Variants in STS observed in about 807,000 individuals in gnomAD.
The protein encoded by STS is steryl-sulfatase.
STS carries 7 observed loss-of-function variants against 26.8 expected under a neutral mutation model. The ratio of observed to expected loss-of-function variants is 0.26; its 90% CI spans 0.15 to 0.49. The LOEUF is 0.49. STS is among the 20% of genes least tolerant of loss of function. STS has a pLI of 0.98. For missense variants in STS, 434 were observed against 465.6 expected (o/e 0.93, Z 0.63); for synonymous variants, 199 against 189.4 (o/e 1.05, Z -0.42).
chrX:7,198,005 A>G (rs751507139), intron 2 of STS, among the ~76,000 whole-genome samples: 31 of 112,314 alleles, frequency 2.8e-4, no homozygotes, highest in African/African-American at 9.7e-4. Context: ...ACAGGCAAAA[A>G]ACAACTTTCT....
chrX:7,345,558 A>AC (rs1396422941), intron 10 of STS, among the ~76,000 whole-genome samples: 1 of 110,299 alleles, frequency 9.1e-6, no homozygotes, highest in African/African-American at 3.3e-5. Context: ...GTTTCTTCAG[A>AC]CCCCCAGTAA....
intron 1 of STS, among the ~76,000 whole-genome samples, chrX:7,148,892 C>A (rs1179407036): frequency 8.9e-6 from 1 of 111,831 alleles, no homozygotes; most frequent in Non-Finnish European, 1.9e-5. Context: ...GTCTTTTGGG[C>A]TGCTCTGAGT....
chrX:7,201,399 A>G lies in STS; in HGVS notation c.-5+10391A>G, dbSNP rs761420814. Among the ~76,000 whole-genome samples, 5 of 111,831 alleles carry G rather than the reference A, an allele frequency of 4.5e-5. No individual in the cohort carries two copies. In the South Asian group the frequency reaches 1.9e-3, roughly 43 times the overall value. On this transcript the variant is annotated intron_variant, in intron 2 of 10. Transcript: ENST00000674429. ...TCAAGATTGCTCTCTCAGCATAAAAACCTAAACCAATTTTGTGTTTTTATA... is the reference window on the plus strand; with the variant it reads ...TCAAGATTGCTCTCTCAGCATAAAAGCCTAAACCAATTTTGTGTTTTTATA...
intron 2 of STS, among the ~76,000 whole-genome samples, chrX:7,243,670 C>T (rs1569199362): frequency 6.3e-5 from 7 of 111,669 alleles, no homozygotes. Flanking sequence ...CAGGAAGAAT[C>T]GTGGTGATCT....
chrX:7,226,314 G>C (rs759010100), intron 2 of STS, among the ~76,000 whole-genome samples: 53 of 112,000 alleles, frequency 4.7e-4, no homozygotes, highest in Non-Finnish European at 9.4e-4. Flanking sequence ...ATGTGTTGTT[G>C]CATGTATCAG....
intron 2 of STS, among the ~76,000 whole-genome samples, chrX:7,206,113 C>T (rs1455693395): frequency 3.6e-5 from 4 of 111,782 alleles, no homozygotes; most frequent in Non-Finnish European, 7.5e-5. Flanking sequence ...ATTCCTTCAT[C>T]GTTTTGGGCC....
chrX:7,171,735 C>T (rs182181113), intron 1 of STS, among the ~76,000 whole-genome samples: 116 of 111,661 alleles, frequency 1.0e-3, no homozygotes, highest in African/African-American at 3.3e-3. Flanking sequence ...AAGCATCACC[C>T]GGTACAATAG....
intron 2 of STS, among the ~76,000 whole-genome samples, chrX:7,229,215 C>T (rs1921948069): frequency 1.8e-5 from 2 of 112,214 alleles, no homozygotes; most frequent in Non-Finnish European, 1.9e-5. Flanking sequence ...AAACATCACA[C>T]GCTTCATCTG....
chrX:7,284,694 C>G (rs1331927090), intron 7 of STS, among the ~76,000 whole-genome samples: 2 of 112,044 alleles, frequency 1.8e-5, no homozygotes, highest in Non-Finnish European at 3.8e-5. Flanking sequence ...GTGACACTGG[C>G]TCCAGACTAG....
chrX:7,275,855 T>C, intron 6 of STS, 96 bp from the exon 7 acceptor site: 1 of 1,027,148 alleles, frequency 9.7e-7, no homozygotes, highest in Non-Finnish European at 1.3e-6. Context: ...AATAGCCTGC[T>C]ATGATAATAG....
intron 7 of STS, among the ~76,000 whole-genome samples, chrX:7,303,961 G>A (rs187772655): frequency 5.2e-4 from 58 of 111,031 alleles, no homozygotes; most frequent in Non-Finnish European, 9.3e-4. Flanking sequence ...ATTTATTCTC[G>A]CCCTGCATTC....
At chrX:7,147,370 T>C (rs1361550849), upstream of STS, among the ~76,000 whole-genome samples, 1 of 111,556 alleles carries the variant, frequency 9.0e-6, no homozygotes, top group Non-Finnish European at 1.9e-5. Flanking sequence ...TAATTCCTTA[T>C]GGTTGCATAG....
At chrX:7,254,688 A>G (rs891877727) in intron 3 of STS, among the ~76,000 whole-genome samples, 3 of 103,562 alleles carry the variant, frequency 2.9e-5, no homozygotes, top group African/African-American at 1.1e-4. Context: ...GGTTGAAGCA[A>G]TTTTCCTGCC....
At chrX:7,227,460 T>A (rs1199976176) in intron 2 of STS, among the ~76,000 whole-genome samples, 1 of 110,144 alleles carries the variant, frequency 9.1e-6, no homozygotes, top group African/African-American at 3.3e-5. Context: ...TTTTTTTTTT[T>A]TTTATAAAAG....
chrX:7,286,716 T>G (rs781683345), intron 7 of STS, among the ~76,000 whole-genome samples: 1 of 111,780 alleles, frequency 8.9e-6, no homozygotes, highest in East Asian at 2.8e-4. Context: ...CAAACGTATT[T>G]AATAAAGAGA....
intron 2 of STS, among the ~76,000 whole-genome samples, chrX:7,215,009 CGT>C (rs1491269055): frequency 7.0e-4 from 24 of 34,162 alleles, no homozygotes; most frequent in African/African-American, 2.0e-3. Flanking sequence ...TACATATATA[CGT>C]ATATATATAT....
chrX:7,152,299 C>G (rs746382544), intron 1 of STS, among the ~76,000 whole-genome samples: 1 of 111,725 alleles, frequency 9.0e-6, no homozygotes, highest in East Asian at 2.8e-4. Context: ...TTAAGTTTAC[C>G]AAGATTTATT....
chrX:7,193,916 T>A (rs762199303), intron 2 of STS, among the ~76,000 whole-genome samples: 55 of 111,348 alleles, frequency 4.9e-4, no homozygotes, highest in Non-Finnish European at 8.7e-4. Context: ...TATTATTATT[T>A]TTTTTGAGAC....
chrX:7,183,847 C>T (rs1419609208), intron 1 of STS, among the ~76,000 whole-genome samples: 2 of 110,604 alleles, frequency 1.8e-5, no homozygotes, highest in African/African-American at 3.3e-5. Context: ...ACTAAAAATA[C>T]GAAAATTAGC....
Sources: allele counts gnomAD v4.1 joint callset (sites outside exome capture counted in the v4.1 genomes callset), GRCh38; gene constraint gnomAD v4.1.1; transcripts MANE v1.5; gene names NCBI Gene and HGNC (gene_info 2026-07-23, HGNC 2026-07-21).